NUDT9: variants seen among roughly 807,000 people sequenced by gnomAD.
NUDT9 encodes the protein ADP-ribose pyrophosphatase.
A neutral mutation model predicts 41.0 loss-of-function variants in NUDT9; 31 were observed. That is an observed-to-expected ratio of 0.76 (90% confidence interval 0.57 to 1.02). The LOEUF (loss-of-function observed/expected upper bound fraction) is 1.02, where lower values mean the gene tolerates loss of function less well. Among genes scored for constraint, NUDT9 ranks in the 50% least tolerant of loss-of-function variants. NUDT9 has a pLI of 0.00. For synonymous variants in NUDT9, 146 were observed against 147.6 expected (o/e 0.99, Z 0.08); for missense variants, 380 against 431.4 (o/e 0.88, Z 1.06).
At position 87,439,097 on chromosome 4, in the gene NUDT9, C is replaced by T. The variant is rs191519220; in HGVS notation, c.443+725C>T. On this transcript the variant is annotated intron_variant, in intron 3 of 7. Coordinates refer to ENST00000302174, the MANE Select transcript of NUDT9 (RefSeq NM_024047.5). ...GAGGAGAATTGCTTGAACCGGGAGG[C>T]GGAGGTTGCGGTGGGCTGAGATTGC... Among the ~76,000 whole-genome samples, 5 of 150,972 alleles carry T rather than the reference C, an allele frequency of 3.3e-5. No individual in the cohort carries two copies. In the East Asian group the frequency reaches 5.9e-4, roughly 18 times the overall value.
intron 1 of NUDT9, among the ~76,000 whole-genome samples, chr4:87,430,321 A>G (rs1173100095): frequency 2.6e-5 from 4 of 152,194 alleles, no homozygotes; most frequent in Non-Finnish European, 5.9e-5. Context: ...CCTGTGTTGG[A>G]CTTCTAACCT....
intron 1 of NUDT9, among the ~76,000 whole-genome samples, chr4:87,431,024 C>T (rs529848998): frequency 2.0e-4 from 30 of 152,074 alleles, no homozygotes; most frequent in Middle Eastern, 3.2e-3. Context: ...AATCCAGTGT[C>T]GTGAAATTTT....
In NUDT9 at chr4:87,438,011, C is replaced by T. The variant is rs554721921; in HGVS notation, c.348-266C>T. ...GCATGAGGTAGGAGCTCTAGCTCTT[C>T]TGCTGGTAGTCCTTCCTGGAGGGGT... On this transcript the variant is annotated intron_variant, in intron 2 of 7. Transcript: ENST00000302174. 9.7e-4 allele frequency among the ~76,000 whole-genome samples: 148 copies of T among 152,046 alleles called. 1 individual carries two copies. Among genetic ancestry groups the T allele is most frequent in the Middle Eastern group, 6.8e-3 (2 of 294 alleles).
intron 7 of NUDT9, among the ~76,000 whole-genome samples, chr4:87,455,029 T>A (rs1421760479): frequency 3.3e-5 from 5 of 152,226 alleles, no homozygotes; most frequent in Non-Finnish European, 7.4e-5. Flanking sequence ...TAATTTGGTC[T>A]TAATGTACAC....
rs972901132 is a variant in NUDT9, at chr4:87,422,887, A to T, written c.-19A>T. On this transcript the variant is annotated 5_prime_UTR_variant, in exon 1 of 8. It adds an upstream start codon to the 5' untranslated region. Transcript: ENST00000302174. ...AACTAAGAGCGACCTAGCATCGCAA[A>T]GCCGCCCTCGGGGCGCTCATGGCGG... is the stretch of plus-strand genomic sequence containing the variant. The T allele has an allele frequency of 1.9e-6, 3 of 1,602,784 alleles. No homozygotes were observed. The highest frequency in any genetic ancestry group is 2.5e-6 in the Non-Finnish European group (3 of 1,176,644).
intron 1 of NUDT9, among the ~76,000 whole-genome samples, chr4:87,426,935 CA>C (rs70957243): frequency 0.2 from 10,845 of 54,210 alleles, 520 homozygotes; most frequent in East Asian, 0.41. Flanking sequence ...ACTCCCTTGC[CA>C]AAAAAAAAAA....
intron 2 of NUDT9, among the ~76,000 whole-genome samples, chr4:87,436,239 C>T (rs528218889): frequency 1.5e-3 from 224 of 152,318 alleles, no homozygotes; most frequent in African/African-American, 5.1e-3. Flanking sequence ...TAACTGTAGT[C>T]ACCACACTGT....
intron 3 of NUDT9, among the ~76,000 whole-genome samples, chr4:87,438,924 T>C (rs1237454435): frequency 6.6e-6 from 1 of 152,082 alleles, no homozygotes; most frequent in Non-Finnish European, 1.5e-5. Context: ...CCCAGCACTT[T>C]GGGAGGCTGA....
chr4:87,423,150 G>C, intron 1 of NUDT9, 138 bp downstream of exon 1: 1 of 540,498 alleles, frequency 1.9e-6, no homozygotes. Flanking sequence ...TTTTCAAAAA[G>C]GCTCTAAAAT....
At chr4:87,425,467 T>G (rs1721371993) in intron 1 of NUDT9, among the ~76,000 whole-genome samples, 2 of 146,554 alleles carry the variant, frequency 1.4e-5, no homozygotes, top group Non-Finnish European at 3.0e-5. Context: ...TGATCTTGGC[T>G]CATTGCAACC....
intron 1 of NUDT9, among the ~76,000 whole-genome samples, chr4:87,432,318 C>G (rs1721722950): frequency 1.3e-5 from 2 of 152,084 alleles, no homozygotes. Flanking sequence ...AAACTTGTGC[C>G]TGAAACAGTT....
At chr4:87,434,438 T>TG (rs397710296) in intron 1 of NUDT9, 2 of 151,186 alleles carry the variant, frequency 1.3e-5, no homozygotes, top group Non-Finnish European at 2.9e-5. Flanking sequence ...TTTTTTTTTT[T>TG]GTCTAAAATA....
intron 4 of NUDT9, among the ~76,000 whole-genome samples, chr4:87,448,587 C>T (rs764534269): frequency 6.6e-6 from 1 of 151,870 alleles, no homozygotes; most frequent in Non-Finnish European, 1.5e-5. Flanking sequence ...GTACAGTGAC[C>T]CTTCTGCCTC....
chr4:87,438,465 G>T, intron 3 of NUDT9, 93 bp downstream of exon 3: 1 of 667,066 alleles, frequency 1.5e-6, no homozygotes, highest in Admixed American at 2.3e-5. Flanking sequence ...TGTGCCAGAT[G>T]TTGTACAAAT....
intron 3 of NUDT9, among the ~76,000 whole-genome samples, chr4:87,438,997 T>C (rs765280594): frequency 1.3e-5 from 2 of 151,852 alleles, no homozygotes; most frequent in Non-Finnish European, 2.9e-5. Flanking sequence ...AGAAACCCCA[T>C]CTTTACTAAA....
intron 4 of NUDT9, among the ~76,000 whole-genome samples, chr4:87,443,519 A>G (rs1024346857): frequency 6.6e-6 from 1 of 152,222 alleles, no homozygotes; most frequent in Non-Finnish European, 1.5e-5. Flanking sequence ...CTGTCACTGA[A>G]GAGCAATGGC....
At chr4:87,427,201 G>C (rs1721467289) in intron 1 of NUDT9, among the ~76,000 whole-genome samples, 1 of 150,364 alleles carries the variant, frequency 6.7e-6, no homozygotes, top group Non-Finnish European at 1.5e-5. Flanking sequence ...ACAGTGCTTA[G>C]AACACTGTCT....
At chr4:87,437,488 C>T (rs150701662) in intron 2 of NUDT9, among the ~76,000 whole-genome samples, 2 of 151,414 alleles carry the variant, frequency 1.3e-5, no homozygotes, top group Admixed American at 6.6e-5. Flanking sequence ...CTACAGGTGC[C>T]CACCACCATG....
intron 4 of NUDT9, among the ~76,000 whole-genome samples, chr4:87,444,287 A>G (rs1160575656): frequency 6.6e-6 from 1 of 151,666 alleles, no homozygotes; most frequent in Non-Finnish European, 1.5e-5. Context: ...TGATAGTTTA[A>G]CTCTTTATAT....
Sources: gnomAD v4.1 joint callset for allele counts (sites outside exome capture counted in the v4.1 genomes callset) on GRCh38, gnomAD v4.1.1 for gene constraint, MANE v1.5 for transcripts, NCBI Gene and HGNC (gene_info 2026-07-23, HGNC 2026-07-21) for gene names.